PDE10A: variants seen among roughly 807,000 people sequenced by gnomAD.
The protein encoded by PDE10A is phosphodiesterase 10A.
Under a neutral mutation model 97.7 loss-of-function variants are expected in PDE10A, and 39 were observed. The ratio of observed to expected loss-of-function variants is 0.40; its 90% CI spans 0.31 to 0.52. PDE10A has a LOEUF of 0.52. Ranked by LOEUF, PDE10A falls within the 20% of genes least tolerant of loss-of-function variation. The pLI, the probability that PDE10A is intolerant of heterozygous loss-of-function variation, is 0.56. For missense variants in PDE10A, 731 were observed against 1,047.8 expected, an observed-to-expected ratio of 0.70 and a Z score of 4.17; for synonymous variants, 371 against 376.8, an observed-to-expected ratio of 0.98 and a Z score of 0.18.
intron 1 of PDE10A, among the ~76,000 whole-genome samples, chr6:165,701,248 T>C (rs137865139): frequency 3.9e-5 from 6 of 152,320 alleles, no homozygotes; most frequent in Admixed American, 6.5e-5. Context: ...CAGGCGACAA[T>C]TGATAGAAAC....
At chr6:165,716,796 T>G (rs755198797) in intron 1 of PDE10A, among the ~76,000 whole-genome samples, 1 of 152,220 alleles carries the variant, frequency 6.6e-6, no homozygotes. Context: ...AAATCTTTTA[T>G]TTGCAATGGC....
intron 1 of PDE10A, among the ~76,000 whole-genome samples, chr6:165,865,826 A>G (rs1290977845): frequency 6.6e-6 from 1 of 152,158 alleles, no homozygotes; most frequent in Non-Finnish European, 1.5e-5. Context: ...TGGGAGTTCC[A>G]CAAGAAGAGA....
At chr6:165,850,436 T>C (rs912236581) in intron 1 of PDE10A, among the ~76,000 whole-genome samples, 1 of 152,252 alleles carries the variant, frequency 6.6e-6, no homozygotes, top group Non-Finnish European at 1.5e-5. Flanking sequence ...CCAGGAATTC[T>C]TTCAACGGTA....
At chr6:165,450,110 A>T in intron 4 of PDE10A, 132 bp downstream of exon 4, 1 of 624,296 alleles carries the variant, frequency 1.6e-6, no homozygotes, top group Non-Finnish European at 2.7e-6. Context: ...AAATATTTTC[A>T]CTTGAAATTT....
intron 18 of PDE10A, among the ~76,000 whole-genome samples, chr6:165,373,688 C>G (rs1784417137): frequency 6.6e-6 from 1 of 152,068 alleles, no homozygotes; most frequent in African/African-American, 2.4e-5. Flanking sequence ...CCTCAGGGAT[C>G]TAGAACTAGA....
chr6:165,837,066 G>A (rs1304937266), intron 1 of PDE10A, among the ~76,000 whole-genome samples: 1 of 120,642 alleles, frequency 8.3e-6, no homozygotes, highest in Non-Finnish European at 1.7e-5. Context: ...GGGGGAGGGG[G>A]GAGGGATAGC....
At chr6:165,584,699 C>T (rs1785808403) in intron 1 of PDE10A, among the ~76,000 whole-genome samples, 1 of 152,188 alleles carries the variant, frequency 6.6e-6, no homozygotes, top group Non-Finnish European at 1.5e-5. Context: ...GTCTGGAATG[C>T]AGAATACCCC....
intron 2 of PDE10A, among the ~76,000 whole-genome samples, chr6:165,489,326 G>A (rs955162905): frequency 1.3e-5 from 2 of 152,132 alleles, no homozygotes; most frequent in African/African-American, 4.8e-5. Context: ...TCTGCTGTGT[G>A]GTTACATTCA....
intron 17 of PDE10A, among the ~76,000 whole-genome samples, chr6:165,386,777 C>T (rs368336974): frequency 6.0e-5 from 9 of 150,522 alleles, no homozygotes; most frequent in Admixed American, 4.0e-4. Flanking sequence ...CTGAGGCGGG[C>T]GGATCACAAG....
intron 1 of PDE10A, among the ~76,000 whole-genome samples, chr6:165,611,738 C>T (rs1416505000): frequency 6.6e-6 from 1 of 152,192 alleles, no homozygotes; most frequent in African/African-American, 2.4e-5. Flanking sequence ...AGATAGTCTG[C>T]CACAATATTT....
At chr6:165,673,393 T>G (rs771669150) in intron 1 of PDE10A, among the ~76,000 whole-genome samples, 1 of 152,224 alleles carries the variant, frequency 6.6e-6, no homozygotes, top group Non-Finnish European at 1.5e-5. Flanking sequence ...ATGCAAGATT[T>G]TAATTGTTTT....
chr6:165,532,751 T>C (rs1413593871), intron 2 of PDE10A, among the ~76,000 whole-genome samples: 3 of 152,172 alleles, frequency 2.0e-5, no homozygotes, highest in African/African-American at 7.2e-5. Context: ...ATCACACTAG[T>C]ATCAGCGGCC....
Position 165,819,582 on chromosome 6 carries a change from C to G in PDE10A, c.-615+167947G>C, listed in dbSNP as rs1361019524. Among the ~76,000 whole-genome samples the G allele has an allele frequency of 3.3e-5, 5 of 152,130 alleles. No individual in the cohort carries two copies. The highest frequency in any genetic ancestry group is 4.4e-5 in the Non-Finnish European group (3 of 68,020). On this transcript the variant is annotated intron_variant, in intron 1 of 19. Coordinates refer to the PDE10A transcript ENST00000366882. This position sits in a 1 kb window ranked among gnomAD's most constrained non-coding sequence, Gnocchi z 4.2. ...TTCAGGCCTCATCCACTGCCGCGAC[C>G]CCCACCCCGAGTTGCCGGACACAGT...
intron 13 of PDE10A, among the ~76,000 whole-genome samples, chr6:165,403,307 G>C (rs534584068): frequency 2.8e-4 from 42 of 152,268 alleles, no homozygotes; most frequent in African/African-American, 9.9e-4. Flanking sequence ...GTGGTGCACC[G>C]AACTGGCTTG....
chr6:165,644,074 G>C (rs1789273112), intron 1 of PDE10A, among the ~76,000 whole-genome samples: 1 of 151,632 alleles, frequency 6.6e-6, no homozygotes, highest in Admixed American at 6.6e-5. Context: ...TCTGTTTTTT[G>C]AGACAGAGTC....
intron 1 of PDE10A, among the ~76,000 whole-genome samples, chr6:165,619,299 G>C (rs1308757043): frequency 6.9e-6 from 1 of 145,942 alleles, no homozygotes; most frequent in South Asian, 2.2e-4. Flanking sequence ...ATAGTCTAGT[G>C]TAGTGTAGTG....
intron 3 of PDE10A, among the ~76,000 whole-genome samples, chr6:165,460,939 T>C (rs940828803): frequency 1.3e-5 from 2 of 152,232 alleles, no homozygotes; most frequent in African/African-American, 4.8e-5. Context: ...GAAATAATTT[T>C]TGATGGCGGC....
chr6:165,527,326 C>T (rs1226567250), intron 2 of PDE10A, among the ~76,000 whole-genome samples: 1 of 152,200 alleles, frequency 6.6e-6, no homozygotes, highest in Non-Finnish European at 1.5e-5. Flanking sequence ...CAGGAAAAGG[C>T]TCTGCAACAG....
At chr6:165,679,832 A>G (rs368885786) in intron 1 of PDE10A, among the ~76,000 whole-genome samples, 3 of 152,074 alleles carry the variant, frequency 2.0e-5, no homozygotes, top group East Asian at 3.9e-4. Flanking sequence ...AATAGTCTTT[A>G]TCTTATGGTC....
Sources: gnomAD v4.1 joint callset for allele counts (sites outside exome capture counted in the v4.1 genomes callset) on GRCh38, gnomAD v4.1.1 for gene constraint, Gnocchi (gnomAD v3.1) non-coding constraint, MANE v1.5 for transcripts, NCBI Gene and HGNC (gene_info 2026-07-23, HGNC 2026-07-21) for gene names.